Variants in BMAL2 observed in about 807,000 individuals in gnomAD.
The protein encoded by BMAL2 is basic helix-loop-helix ARNT-like protein 2.
At chr12:27,333,165 G>C in the BMAL2 span, 1 of 1,197,376 alleles carries the variant, frequency 8.4e-7, no homozygotes, top group Non-Finnish European at 1.0e-6. Context: ...ACGCGCTGGG[G>C]GCGTCCCCGC....
chr12:27,393,483 C>T, the BMAL2 span, among the ~76,000 whole-genome samples: 1 of 152,326 alleles, frequency 6.6e-6, no homozygotes, highest in East Asian at 1.9e-4. Context: ...CTGCTTTAGA[C>T]TCTTTTCTCA....
At chr12:27,395,149 A>G in the BMAL2 span, among the ~76,000 whole-genome samples, 4 of 152,372 alleles carry the variant, frequency 2.6e-5, no homozygotes, top group African/African-American at 7.2e-5. Flanking sequence ...AACCAAAGGA[A>G]TCTGGGCCTT....
chr12:27,347,690 A>C, the BMAL2 span, among the ~76,000 whole-genome samples: 1 of 152,176 alleles, frequency 6.6e-6, no homozygotes, highest in Non-Finnish European at 1.5e-5. Context: ...CTAAGGTTAA[A>C]ACATAAACAT....
the BMAL2 span, among the ~76,000 whole-genome samples, chr12:27,355,042 A>T: frequency 3.3e-5 from 5 of 152,184 alleles, no homozygotes; most frequent in Admixed American, 2.6e-4. Context: ...TGTCTTGTGT[A>T]TTTCAGCACT....
At chr12:27,417,754 G>C in the BMAL2 span, among the ~76,000 whole-genome samples, 2 of 152,158 alleles carry the variant, frequency 1.3e-5, no homozygotes, top group Non-Finnish European at 2.9e-5. Context: ...AACACTTTGG[G>C]AGGCCGAGGC....
the BMAL2 span, among the ~76,000 whole-genome samples, chr12:27,333,963 A>G: frequency 6.6e-6 from 1 of 152,266 alleles, no homozygotes; most frequent in Non-Finnish European, 1.5e-5. Flanking sequence ...GAGAGGCAGG[A>G]AAACAGAAAT....
chr12:27,380,439 T>C, the BMAL2 span: 2 of 1,608,150 alleles, frequency 1.2e-6, no homozygotes, highest in Admixed American at 1.7e-5. Context: ...CTTCGATAAG[T>C]GAAATCTGCT....
the BMAL2 span, chr12:27,403,478 G>A: frequency 9.3e-6 from 15 of 1,611,672 alleles, no homozygotes; most frequent in Middle Eastern, 1.7e-4. Context: ...ATGTCTACTG[G>A]AACAGTACTT....
chr12:27,413,071 G>A, the BMAL2 span, among the ~76,000 whole-genome samples: 2 of 151,542 alleles, frequency 1.3e-5, no homozygotes, highest in Non-Finnish European at 2.9e-5. Context: ...AGGTAGATAA[G>A]GACTTTTCCA....
At chr12:27,402,795 C>A in the BMAL2 span, 1 of 936,828 alleles carries the variant, frequency 1.1e-6, no homozygotes, top group Non-Finnish European at 1.5e-6. Flanking sequence ...AGTAGTTCTG[C>A]AGGTTGGGTT....
At chr12:27,372,709 T>G in the BMAL2 span, among the ~76,000 whole-genome samples, 1 of 152,220 alleles carries the variant, frequency 6.6e-6, no homozygotes, top group South Asian at 2.1e-4. Context: ...AGTCTCGCTG[T>G]GTCACCCAGG....
the BMAL2 span, among the ~76,000 whole-genome samples, chr12:27,349,944 C>T: frequency 6.6e-6 from 1 of 152,162 alleles, no homozygotes; most frequent in Non-Finnish European, 1.5e-5. Context: ...CTCCTCATGT[C>T]GGGTGTGGGA....
chr12:27,373,253 G>A, the BMAL2 span, among the ~76,000 whole-genome samples: 2 of 152,180 alleles, frequency 1.3e-5, no homozygotes, highest in Non-Finnish European at 2.9e-5. Context: ...ATTGTTCACT[G>A]GGGAGAGGAT....
At chr12:27,340,599 G>A in the BMAL2 span, among the ~76,000 whole-genome samples, 8 of 150,842 alleles carry the variant, frequency 5.3e-5, no homozygotes, top group Non-Finnish European at 8.8e-5. Flanking sequence ...CTTTTTTTTT[G>A]GTTCCATATG....
the BMAL2 span, chr12:27,401,807 T>C: frequency 1.8e-3 from 1,126 of 637,744 alleles, 13 homozygotes; most frequent in African/African-American, 0.019. Flanking sequence ...ATTTATCTTT[T>C]GAGTAATTCA....
At chr12:27,408,777 T>C in the BMAL2 span, among the ~76,000 whole-genome samples, 1 of 152,168 alleles carries the variant, frequency 6.6e-6, no homozygotes, top group Non-Finnish European at 1.5e-5. Flanking sequence ...TAAAAGGTAT[T>C]CAATTAGGAG....
At chr12:27,339,424 A>G in the BMAL2 span, among the ~76,000 whole-genome samples, 7,346 of 152,236 alleles carry the variant, frequency 0.048, 592 homozygotes, top group African/African-American at 0.17. Context: ...TGAAATATGC[A>G]TGCATCTTTA....
the BMAL2 span, among the ~76,000 whole-genome samples, chr12:27,334,727 A>T: frequency 6.6e-6 from 1 of 152,268 alleles, no homozygotes; most frequent in Admixed American, 6.5e-5. Context: ...AAAGCTGGGA[A>T]TAATAAAAAT....
chr12:27,370,198 A>C, the BMAL2 span: 1 of 1,613,980 alleles, frequency 6.2e-7, no homozygotes, highest in South Asian at 1.1e-5. Context: ...TTCTTTCAAC[A>C]AGGATAGAAA....
Sources: allele counts gnomAD v4.1 joint callset (sites outside exome capture counted in the v4.1 genomes callset), GRCh38; gene constraint gnomAD v4.1.1; transcripts MANE v1.5; gene names NCBI Gene and HGNC (gene_info 2026-07-23, HGNC 2026-07-21).